The following TRDN variants were observed in gnomAD, a reference collection of about 807,000 sequenced individuals.
TRDN encodes triadin in skeletal muscle.
In TRDN, 161 loss-of-function variants were observed where a neutral mutation model predicts 149.7. That is an observed-to-expected ratio of 1.08 (90% confidence interval 0.95 to 1.23). TRDN has a LOEUF of 1.23. TRDN is among the 50% of genes most tolerant of loss of function. The pLI is 0.00. For missense variants in TRDN, 896 were observed against 823.5 expected (o/e 1.09, Z -1.08); for synonymous variants, 294 against 250.5 (o/e 1.17, Z -1.64).
intron 32 of TRDN, among the ~76,000 whole-genome samples, chr6:123,266,081 T>C (rs1418102496): frequency 7.6e-6 from 1 of 131,326 alleles, no homozygotes. Context: ...ATTTTGTGTT[T>C]ATATATATTA....
chr6:123,604,493 G>A (rs774104492), intron 1 of TRDN, among the ~76,000 whole-genome samples: 8 of 152,192 alleles, frequency 5.3e-5, no homozygotes, highest in Non-Finnish European at 1.0e-4. Flanking sequence ...GCAAGCCAGA[G>A]CTAAATATTA....
At chr6:123,615,801 C>A (rs1785054240) in intron 1 of TRDN, among the ~76,000 whole-genome samples, 1 of 152,030 alleles carries the variant, frequency 6.6e-6, no homozygotes, top group African/African-American at 2.4e-5. Flanking sequence ...AAAACTCCAG[C>A]TAGATAGGAG....
At chr6:123,230,552 AAT>A (rs1775562066) in intron 38 of TRDN, among the ~76,000 whole-genome samples, 8 of 151,682 alleles carry the variant, frequency 5.3e-5, no homozygotes, top group South Asian at 2.1e-4. Context: ...TAATAATAAT[AAT>A]AAAAAGAAAA....
chr6:123,296,846 A>G (rs1259198998), intron 24 of TRDN, among the ~76,000 whole-genome samples: 1 of 152,042 alleles, frequency 6.6e-6, no homozygotes, highest in Non-Finnish European at 1.5e-5. Flanking sequence ...ATGCTTTGAA[A>G]ATTTCCCTTT....
intron 2 of TRDN, among the ~76,000 whole-genome samples, chr6:123,555,394 A>T (rs1181983104): frequency 6.6e-6 from 1 of 152,188 alleles, no homozygotes; most frequent in Non-Finnish European, 1.5e-5. Context: ...CATCCAAGGA[A>T]GTCAAGCATT....
intron 9 of TRDN, chr6:123,471,348 C>T (rs117575261): frequency 6.6e-6 from 1 of 152,288 alleles, no homozygotes; most frequent in East Asian, 1.9e-4. Context: ...TTGCCTCTTG[C>T]ATTATGTAGT....
At chr6:123,352,284 G>C in intron 21 of TRDN, 1 of 984,876 alleles carries the variant, frequency 1.0e-6, no homozygotes, top group South Asian at 4.7e-5. Context: ...TCTTCAGCAT[G>C]TCCCCTGATG....
chr6:123,328,022 C>T (rs1033980813), intron 23 of TRDN, among the ~76,000 whole-genome samples: 1 of 152,110 alleles, frequency 6.6e-6, no homozygotes, highest in Non-Finnish European at 1.5e-5. Context: ...GTATCTCTCC[C>T]ATAAGCCATA....
At chr6:123,349,150 A>G (rs1780359860) in intron 21 of TRDN, among the ~76,000 whole-genome samples, 1 of 152,190 alleles carries the variant, frequency 6.6e-6, no homozygotes, top group African/African-American at 2.4e-5. Flanking sequence ...TTTCCCATTA[A>G]TGAGATAAAA....
At chr6:123,251,160 C>A (rs186616932) in intron 38 of TRDN, among the ~76,000 whole-genome samples, 1 of 152,208 alleles carries the variant, frequency 6.6e-6, no homozygotes, top group East Asian at 1.9e-4. Flanking sequence ...TGTGTCCTTA[C>A]AATATCTTTC....
chr6:123,235,812 T>C (rs1052594091), intron 38 of TRDN, among the ~76,000 whole-genome samples: 2 of 152,140 alleles, frequency 1.3e-5, no homozygotes, highest in Non-Finnish European at 2.9e-5. Flanking sequence ...TATGGAACCT[T>C]TGGAGCTTAG....
At chr6:123,517,180 C>G (rs1236595621) in intron 5 of TRDN, among the ~76,000 whole-genome samples, 2 of 151,976 alleles carry the variant, frequency 1.3e-5, no homozygotes, top group Non-Finnish European at 2.9e-5. Context: ...ATGAAATGAC[C>G]TAATCTAATC....
chr6:123,337,686 G>T lies in TRDN; in HGVS notation c.1370-17C>A. The stretch of plus-strand genomic sequence containing the variant: ...TTCTAATTTCTGCAAGAGAGATCAT[G>T]GGAAGAAAAAGTTACAAGGAATAAG... On this transcript the variant is annotated splice_polypyrimidine_tract_variant and intron_variant, in intron 21 of 40. Coordinates refer to ENST00000334268, the MANE Select transcript of TRDN (RefSeq NM_006073.4). 1 of 1,429,744 alleles carries T rather than the reference G, an allele frequency of 7.0e-7. No homozygotes were observed. The highest frequency in any genetic ancestry group is 9.4e-7 in the Non-Finnish European group (1 of 1,066,652). 88.6% of individuals were successfully genotyped at this position (1,429,744 alleles called of 1,614,324 possible).
intron 24 of TRDN, among the ~76,000 whole-genome samples, chr6:123,305,575 C>T (rs556506755): frequency 3.9e-4 from 59 of 152,166 alleles, no homozygotes; most frequent in South Asian, 3.5e-3. Context: ...TTCACAAAAC[C>T]GCCTGATGCC....
intron 7 of TRDN, among the ~76,000 whole-genome samples, chr6:123,511,629 C>G (rs992135927): frequency 6.6e-6 from 1 of 152,110 alleles, no homozygotes; most frequent in Non-Finnish European, 1.5e-5. Context: ...AACTTAGCCA[C>G]TTAAAATAAC....
chr6:123,291,663 T>C (rs1778017439), intron 24 of TRDN, among the ~76,000 whole-genome samples: 1 of 152,194 alleles, frequency 6.6e-6, no homozygotes, highest in Admixed American at 6.5e-5. Context: ...GGGGAATTTA[T>C]AAAGGGAACT....
rs71649806 is a variant in TRDN, at chr6:123,304,252, C to CTTTTTTTT, written c.1510+12197_1510+12204dup. On this transcript the variant is annotated intron_variant, in intron 24 of 40. Coordinates refer to ENST00000334268, the MANE Select transcript of TRDN (RefSeq NM_006073.4). The stretch of plus-strand genomic sequence containing the variant: ...ATGAATATTAATTTTCTTTTATTTT[C>CTTTTTTTT]TTTTTTTTTTTTTTTTTTTGAGACG... Among the ~76,000 whole-genome samples, 10 of 128,968 alleles carry CTTTTTTTT rather than the reference C, an allele frequency of 7.8e-5. 1 individual carries two copies. The highest frequency in any genetic ancestry group is 2.3e-4 in the East Asian group (1 of 4,298). The allele number at this position is 128,968 out of a possible 152,430, so 84.6% of individuals were successfully genotyped here. A position where few individuals can be genotyped will look rare whatever the true frequency, so the allele number is the denominator to read the frequency against.
chr6:123,302,329 T>C (rs1246842615), intron 24 of TRDN, among the ~76,000 whole-genome samples: 2 of 152,150 alleles, frequency 1.3e-5, no homozygotes, highest in East Asian at 1.9e-4. Flanking sequence ...TTACCCTTGA[T>C]ATACATGTTC....
At chr6:123,312,933 AAT>A (rs754296782) in intron 24 of TRDN, among the ~76,000 whole-genome samples, 32 of 152,136 alleles carry the variant, frequency 2.1e-4, no homozygotes, top group Non-Finnish European at 3.4e-4. Flanking sequence ...ACATTAGCAT[AAT>A]ATATGTTTTC....
Sources: allele counts gnomAD v4.1 joint callset (sites outside exome capture counted in the v4.1 genomes callset), GRCh38; gene constraint gnomAD v4.1.1; transcripts MANE v1.5; gene names NCBI Gene and HGNC (gene_info 2026-07-23, HGNC 2026-07-21).